RAD51B: variants seen among roughly 807,000 people sequenced by gnomAD.
RAD51B encodes DNA repair protein RAD51 homolog 2.
Under a neutral mutation model 42.2 loss-of-function variants are expected in RAD51B, and 38 were observed. The ratio of observed to expected loss-of-function variants is 0.90; its 90% CI spans 0.70 to 1.18. RAD51B has a LOEUF of 1.18. Among genes scored for constraint, RAD51B ranks in the 50% most tolerant of loss-of-function variants. RAD51B has a pLI of 0.00. For synonymous variants in RAD51B, 154 were observed against 145.2 expected (o/e 1.06, Z -0.43); for missense variants, 373 against 400.7 (o/e 0.93, Z 0.59).
intron 10 of RAD51B, among the ~76,000 whole-genome samples, chr14:68,542,031 T>G (rs1362952828): frequency 6.6e-6 from 1 of 152,222 alleles, no homozygotes; most frequent in Non-Finnish European, 1.5e-5. Context: ...TCCTAATATA[T>G]TATGTACATT....
At chr14:67,948,466 A>G (rs895115785) in intron 7 of RAD51B, among the ~76,000 whole-genome samples, 2 of 152,212 alleles carry the variant, frequency 1.3e-5, no homozygotes, top group African/African-American at 4.8e-5. Context: ...AAATTTGCTT[A>G]CAGTATACAG....
chr14:67,895,052 G>A (rs1381638472), intron 7 of RAD51B, among the ~76,000 whole-genome samples: 28 of 152,162 alleles, frequency 1.8e-4, no homozygotes, highest in Non-Finnish European at 4.4e-5. Flanking sequence ...TAGGATTATA[G>A]GCATGAGCCA....
chr14:68,478,359 C>A (rs1055152227), downstream of RAD51B, among the ~76,000 whole-genome samples: 3 of 152,154 alleles, frequency 2.0e-5, no homozygotes, highest in African/African-American at 7.2e-5. Flanking sequence ...TTGTGTATAG[C>A]CCTGCAGAAC....
chr14:68,082,787 C>T (rs191168831), intron 7 of RAD51B, among the ~76,000 whole-genome samples: 6 of 152,068 alleles, frequency 3.9e-5, no homozygotes, highest in East Asian at 1.9e-4. Context: ...ATGTTGTTTT[C>T]TTAGTTTTCA....
intron 10 of RAD51B, among the ~76,000 whole-genome samples, chr14:68,630,359 C>G (rs1595037351): frequency 6.6e-6 from 1 of 152,034 alleles, no homozygotes; most frequent in South Asian, 2.1e-4. Flanking sequence ...GACAGCAGCC[C>G]GCTCTTTCTC....
chr14:67,822,652 G>A (rs937209679), intron 1 of RAD51B, among the ~76,000 whole-genome samples: 20 of 152,150 alleles, frequency 1.3e-4, no homozygotes. Flanking sequence ...GAGCCCAGGA[G>A]GGGGAGGTTG....
chr14:68,592,232 G>A (rs1423693611), intron 10 of RAD51B, among the ~76,000 whole-genome samples: 1 of 149,700 alleles, frequency 6.7e-6, no homozygotes, highest in African/African-American at 2.5e-5. Context: ...TGAGCAGGGA[G>A]GTACAAAGGG....
intron 7 of RAD51B, among the ~76,000 whole-genome samples, chr14:68,092,551 T>C (rs1252895848): frequency 6.6e-6 from 1 of 152,238 alleles, no homozygotes; most frequent in Non-Finnish European, 1.5e-5. Context: ...ATTGATTTTG[T>C]ATCCTGAGAC....
chr14:68,599,307 C>T (rs1891127512), downstream of RAD51B, among the ~76,000 whole-genome samples: 2 of 152,156 alleles, frequency 1.3e-5, no homozygotes, highest in South Asian at 2.1e-4. Context: ...TAACTCATTT[C>T]GTAAACACCA....
rs373133344 is a variant in RAD51B at position 68,402,476 on chromosome 14, C to A, written c.854-8948C>A. 1.2e-4 allele frequency among the ~76,000 whole-genome samples: 18 copies of A among 152,312 alleles called. No individual in the cohort carries two copies. The South Asian group carries it at 3.7e-3, about 32-fold the overall frequency. On this transcript the variant is annotated intron_variant, in intron 8 of 10. Transcript: ENST00000471583. ...AATGAATGAATTGAATCCTTCTGAT[C>A]CCTAGTCTCGCACTCAGACTCCCGT...
chr14:67,841,794 A>G (rs1463404594), intron 4 of RAD51B, among the ~76,000 whole-genome samples: 3 of 152,136 alleles, frequency 2.0e-5, no homozygotes, highest in Non-Finnish European at 4.4e-5. Flanking sequence ...TTTTTGTACC[A>G]GTACCATGCC....
chr14:67,826,804 T>G (rs1448190206), intron 3 of RAD51B, among the ~76,000 whole-genome samples: 1 of 151,898 alleles, frequency 6.6e-6, no homozygotes, highest in Non-Finnish European at 1.5e-5. Context: ...CACCGCAGCC[T>G]CCCGAGTGGC....
chr14:68,368,222 A>T (rs1261450790), intron 8 of RAD51B, among the ~76,000 whole-genome samples: 1 of 152,198 alleles, frequency 6.6e-6, no homozygotes, highest in African/African-American at 2.4e-5. Context: ...ATATTAACAG[A>T]AACCCTGTGA....
intron 8 of RAD51B, among the ~76,000 whole-genome samples, chr14:68,347,709 C>T (rs1415900493): frequency 6.6e-6 from 1 of 152,156 alleles, no homozygotes; most frequent in African/African-American, 2.4e-5. Flanking sequence ...GGCCCGTGAA[C>T]AGCATCAGCA....
At chr14:68,661,510 T>C (rs894817849) in intron 11 of RAD51B, among the ~76,000 whole-genome samples, 5 of 152,206 alleles carry the variant, frequency 3.3e-5, no homozygotes, top group African/African-American at 1.2e-4. Context: ...TGGTTCCTTC[T>C]GTGATGCTGG....
At chr14:67,934,417 A>AT (rs2044858386) in intron 7 of RAD51B, among the ~76,000 whole-genome samples, 1 of 152,188 alleles carries the variant, frequency 6.6e-6, no homozygotes, top group Admixed American at 6.5e-5. Flanking sequence ...GCCATCAGTA[A>AT]TTAGCTCAGG....
At chr14:68,525,758 G>A (rs1886884050) in intron 10 of RAD51B, among the ~76,000 whole-genome samples, 1 of 152,160 alleles carries the variant, frequency 6.6e-6, no homozygotes, top group African/African-American at 2.4e-5. Flanking sequence ...CACAGGGTCT[G>A]GGGGATTTTT....
At chr14:68,608,978 G>T (rs1891564910) in intron 10 of RAD51B, among the ~76,000 whole-genome samples, 1 of 152,050 alleles carries the variant, frequency 6.6e-6, no homozygotes, top group South Asian at 2.1e-4. Context: ...TACCTGCCTG[G>T]CTCCCTCAGA....
At chr14:67,845,149 T>G (rs1334497292) in intron 4 of RAD51B, among the ~76,000 whole-genome samples, 1 of 152,240 alleles carries the variant, frequency 6.6e-6, no homozygotes, top group Non-Finnish European at 1.5e-5. Context: ...CATCATGTTG[T>G]TAGCCGGTTA....
Sources: allele counts gnomAD v4.1 joint callset (sites outside exome capture counted in the v4.1 genomes callset), GRCh38; gene constraint gnomAD v4.1.1; transcripts MANE v1.5; gene names NCBI Gene and HGNC (gene_info 2026-07-23, HGNC 2026-07-21).